SAMTOR: variants seen among roughly 807,000 people sequenced by gnomAD.
The protein encoded by SAMTOR is S-adenosylmethionine sensor upstream of mTORC1.
the SAMTOR span, among the ~76,000 whole-genome samples, chr7:112,824,713 T>C: frequency 5.9e-5 from 9 of 152,166 alleles, no homozygotes; most frequent in Admixed American, 5.9e-4. Context: ...TCTTCTTTTG[T>C]ATATGGATAC....
the SAMTOR span, among the ~76,000 whole-genome samples, chr7:112,938,548 AT>A: frequency 6.6e-6 from 1 of 152,226 alleles, no homozygotes; most frequent in Admixed American, 6.5e-5. Flanking sequence ...ATCCTAAATT[AT>A]TAACTAAGTA....
chr7:112,895,994 T>C, the SAMTOR span, among the ~76,000 whole-genome samples: 1 of 152,228 alleles, frequency 6.6e-6, no homozygotes, highest in East Asian at 1.9e-4. Context: ...GATGTGTTTG[T>C]ATATACTTTA....
the SAMTOR span, among the ~76,000 whole-genome samples, chr7:112,860,405 A>T: frequency 6.6e-6 from 1 of 152,092 alleles, no homozygotes; most frequent in Non-Finnish European, 1.5e-5. Flanking sequence ...CTGATGGTTG[A>T]GCTTTCTGTT....
chr7:112,920,212 C>T, the SAMTOR span, among the ~76,000 whole-genome samples: 1 of 152,068 alleles, frequency 6.6e-6, no homozygotes, highest in East Asian at 1.9e-4. Context: ...AAAATACTGG[C>T]AAACTGAATC....
chr7:112,840,780 G>C, the SAMTOR span, among the ~76,000 whole-genome samples: 28 of 151,812 alleles, frequency 1.8e-4, no homozygotes, highest in Non-Finnish European at 3.5e-4. Flanking sequence ...GGGATGCAAG[G>C]CTGGCTCAAC....
At chr7:112,925,173 A>G in the SAMTOR span, among the ~76,000 whole-genome samples, 4 of 152,240 alleles carry the variant, frequency 2.6e-5, no homozygotes, top group African/African-American at 9.6e-5. Context: ...CGTTTGAAAC[A>G]ATACTTTAAT....
chr7:112,830,416 T>C, the SAMTOR span, among the ~76,000 whole-genome samples: 1 of 152,190 alleles, frequency 6.6e-6, no homozygotes, highest in African/African-American at 2.4e-5. Context: ...AAGTTATGTA[T>C]AGCCGTCTTT....
chr7:112,910,178 T>C, the SAMTOR span, among the ~76,000 whole-genome samples: 1 of 151,508 alleles, frequency 6.6e-6, no homozygotes, highest in Non-Finnish European at 1.5e-5. Context: ...AGACTAATAA[T>C]GAAAAATGGA....
the SAMTOR span, among the ~76,000 whole-genome samples, chr7:112,922,369 A>G: frequency 2.6e-5 from 4 of 152,132 alleles, no homozygotes; most frequent in Admixed American, 2.0e-4. Flanking sequence ...GCCTCTGCCC[A>G]GCCGCCACCC....
the SAMTOR span, among the ~76,000 whole-genome samples, chr7:112,924,478 G>A: frequency 6.6e-6 from 1 of 152,128 alleles, no homozygotes; most frequent in African/African-American, 2.4e-5. Flanking sequence ...CAAGAAAGAA[G>A]AGTAAGGATA....
the SAMTOR span, among the ~76,000 whole-genome samples, chr7:112,827,547 AACC>A: frequency 2.4e-4 from 36 of 152,324 alleles, no homozygotes; most frequent in Non-Finnish European, 4.4e-4. Context: ...TGGTTCCAGG[AACC>A]ACTGTACATA....
At chr7:112,859,066 GAA>G in the SAMTOR span, among the ~76,000 whole-genome samples, 1 of 152,140 alleles carries the variant, frequency 6.6e-6, no homozygotes, top group African/African-American at 2.4e-5. Context: ...GGCCTTAATA[GAA>G]AAAGACTGAG....
the SAMTOR span, among the ~76,000 whole-genome samples, chr7:112,923,073 G>A: frequency 6.6e-6 from 1 of 152,344 alleles, no homozygotes; most frequent in East Asian, 1.9e-4. Context: ...AAATCGGATG[G>A]TTGCTATGTC....
At chr7:112,891,694 C>T in the SAMTOR span, among the ~76,000 whole-genome samples, 1 of 152,172 alleles carries the variant, frequency 6.6e-6, no homozygotes, top group African/African-American at 2.4e-5. Flanking sequence ...TGTTCCACTA[C>T]ACCATAGTCT....
the SAMTOR span, among the ~76,000 whole-genome samples, chr7:112,911,036 G>A: frequency 6.6e-6 from 1 of 152,132 alleles, no homozygotes; most frequent in East Asian, 1.9e-4. Context: ...TGGTACCTGG[G>A]CTGCAGAGAA....
chr7:112,826,308 G>A, the SAMTOR span, among the ~76,000 whole-genome samples: 4 of 152,084 alleles, frequency 2.6e-5, no homozygotes, highest in South Asian at 8.3e-4. Flanking sequence ...AATTTTCTTT[G>A]TGGGAAGGTT....
At chr7:112,872,396 A>G in the SAMTOR span, among the ~76,000 whole-genome samples, 1 of 152,170 alleles carries the variant, frequency 6.6e-6, no homozygotes, top group African/African-American at 2.4e-5. Flanking sequence ...AGATACAGAA[A>G]AAGCAATAGA....
the SAMTOR span, among the ~76,000 whole-genome samples, chr7:112,902,429 C>CAAAAAAAAAAAAAAAAAA: frequency 1.7e-5 from 1 of 58,580 alleles, no homozygotes; most frequent in Non-Finnish European, 2.8e-5. Flanking sequence ...AAAAAAAAAA[C>CAAAAAAAAAAAAAAAAAA]AAAAAAAAAC....
At chr7:112,851,616 T>C in the SAMTOR span, among the ~76,000 whole-genome samples, 1,618 of 152,130 alleles carry the variant, frequency 0.011, 29 homozygotes, top group African/African-American at 0.037. Context: ...TGGAGATTGG[T>C]CTAGGCATGA....
Sources: gnomAD v4.1 joint callset for allele counts (sites outside exome capture counted in the v4.1 genomes callset) on GRCh38, gnomAD v4.1.1 for gene constraint, MANE v1.5 for transcripts, NCBI Gene and HGNC (gene_info 2026-07-23, HGNC 2026-07-21) for gene names.